Variants in ZNF236 observed in about 807,000 individuals in gnomAD.
The protein encoded by ZNF236 is zinc finger protein 236.
In ZNF236, 50 loss-of-function variants were observed where a neutral mutation model predicts 191.2. The ratio of observed to expected loss-of-function variants is 0.26; its 90% CI spans 0.21 to 0.33. The LOEUF (loss-of-function observed/expected upper bound fraction) is 0.33, where lower values mean the gene tolerates loss of function less well. Ranked by LOEUF, ZNF236 falls within the 10% of genes least tolerant of loss-of-function variation. The pLI is 1.00. For synonymous variants in ZNF236, 907 were observed against 928.8 expected, an observed-to-expected ratio of 0.98 and a Z score of 0.43; for missense variants, 1,754 against 2,374.5, an observed-to-expected ratio of 0.74 and a Z score of 5.43.
At chr18:76,857,088 C>T (rs1189581344) in intron 3 of ZNF236, among the ~76,000 whole-genome samples, 2 of 151,934 alleles carry the variant, frequency 1.3e-5, no homozygotes, top group Non-Finnish European at 2.9e-5. Context: ...AGGGCTTCCC[C>T]ATGTCCCCCC....
At chr18:76,878,994 G>A (rs1976794072) in intron 7 of ZNF236, among the ~76,000 whole-genome samples, 1 of 152,058 alleles carries the variant, frequency 6.6e-6, no homozygotes, top group African/African-American at 2.4e-5. Flanking sequence ...TCTTGACCAG[G>A]TAGAATGTTG....
chr18:76,858,179 T>A lies in ZNF236; in HGVS notation c.363+6240T>A, dbSNP rs572827773. ...TTGCAACTAGCATATGCGCAGTTTT[T>A]AAAAAAAAATCACCCTTATATCATT... On this transcript the variant is annotated intron_variant, in intron 3 of 30. Transcript: ENST00000320610. Among the ~76,000 whole-genome samples, 6 of 151,952 alleles carry A rather than the reference T, an allele frequency of 3.9e-5. No homozygotes were observed. The South Asian group carries it at 8.3e-4, about 21-fold the overall frequency.
chr18:76,945,543 T>C (rs1464055234), intron 26 of ZNF236, among the ~76,000 whole-genome samples: 1 of 152,254 alleles, frequency 6.6e-6, no homozygotes, highest in East Asian at 1.9e-4. Flanking sequence ...CCCACCACTT[T>C]GGGAGGCCAA....
chr18:76,935,779 T>C (rs1967975592), intron 25 of ZNF236, among the ~76,000 whole-genome samples: 1 of 152,232 alleles, frequency 6.6e-6, no homozygotes, highest in African/African-American at 2.4e-5. Context: ...GGACAGCTAT[T>C]AGGTCAGCTG....
intron 3 of ZNF236, among the ~76,000 whole-genome samples, chr18:76,859,373 G>A (rs1319807550): frequency 6.6e-6 from 1 of 152,098 alleles, no homozygotes; most frequent in East Asian, 1.9e-4. Flanking sequence ...AGTGTCTCAT[G>A]AAGTTTTTTA....
rs147734259 is a variant in ZNF236 at position 76,853,903 on chromosome 18, C to T, written c.363+1964C>T. On this transcript the variant is annotated intron_variant, in intron 3 of 30. Coordinates refer to ENST00000320610, the MANE Select transcript of ZNF236 (RefSeq NM_001306089.2). ...GCAGGCCCTATAATCCCAGCTACTC[C>T]GGAGGCTAAGGCGGGAGAATCACTT... Among the ~76,000 whole-genome samples the T allele has an allele frequency of 6.0e-4, 91 of 151,620 alleles. 1 individual carries two copies. Among genetic ancestry groups the T allele is most frequent in the East Asian group, 2.7e-3 (14 of 5,172 alleles).
chr18:76,910,877 C>G, intron 16 of ZNF236, 66 bp downstream of exon 16: 2 of 1,553,034 alleles, frequency 1.3e-6, no homozygotes, highest in Non-Finnish European at 1.7e-6. Context: ...TCTTCACTGT[C>G]ATTATTAAAA....
chr18:76,868,866 A>G lies in ZNF236; in HGVS notation c.542+3A>G, dbSNP rs553755774. 2 of 1,590,856 alleles carry G rather than the reference A, an allele frequency of 1.3e-6. No individual in the cohort carries two copies. Among genetic ancestry groups the G allele is most frequent in the South Asian group, 1.1e-5 (1 of 88,604 alleles). On this transcript the variant is annotated splice_donor_region_variant and intron_variant, in intron 4 of 30. Coordinates refer to ENST00000320610, the MANE Select transcript of ZNF236 (RefSeq NM_001306089.2). ...ATGAAGACTCATTACAAAATTAGGT[A>G]TGAGTCATTACATGGGCTTGGTCAA...
chr18:76,929,352 A>G (rs1967790072), intron 25 of ZNF236, among the ~76,000 whole-genome samples: 1 of 152,154 alleles, frequency 6.6e-6, no homozygotes, highest in Admixed American at 6.6e-5. Context: ...AATTATATTT[A>G]TATCTGAATT....
chr18:76,913,012 G>C (rs982361151), intron 17 of ZNF236, among the ~76,000 whole-genome samples: 3 of 152,180 alleles, frequency 2.0e-5, no homozygotes, highest in Admixed American at 1.3e-4. Flanking sequence ...GTTTAATTTG[G>C]ACTTGAGAGG....
intron 5 of ZNF236, among the ~76,000 whole-genome samples, chr18:76,872,474 A>G (rs189894081): frequency 7.2e-5 from 11 of 152,382 alleles, no homozygotes; most frequent in African/African-American, 2.6e-4. Context: ...ACTCTTAAAA[A>G]TAATAAAATT....
At position 76,905,237 on chromosome 18, in the gene ZNF236, A is replaced by G; in HGVS notation, c.2119A>G (p.Arg707Gly). The part of the protein sequence containing the change: ...VSAGVLKAHI[R>G]THTGLKSFKC... ...TGCAGGCGTGCTCAAAGCACACATC[A>G]GAACACACACAGGACTGAAATCTTT... Residue 707 changes from arginine to glycine, a missense_variant, in exon 13 of 31, where the codon AGA becomes GGA. This residue lies in a region of ZNF236 where 641 missense variants were observed against 869.6 expected (regional missense o/e 0.74). Transcript: ENST00000320610. 6.2e-7 allele frequency: 1 copy of G among 1,614,256 alleles called. No homozygotes were observed. Among genetic ancestry groups the G allele is most frequent in the Non-Finnish European group, 8.5e-7 (1 of 1,180,038 alleles).
At chr18:76,926,901 G>A (rs1967711418) in intron 22 of ZNF236, 136 bp from the exon 23 acceptor site, 6 of 1,016,632 alleles carry the variant, frequency 5.9e-6, no homozygotes, top group Admixed American at 2.7e-5. Flanking sequence ...GTAGGTGTTC[G>A]TATTCCACAA....
Position 76,868,732 on chromosome 18 carries a change from G to T in ZNF236, c.411G>T (p.Gln137His). 1 of 1,613,810 alleles carries T rather than the reference G, an allele frequency of 6.2e-7. No individual in the cohort carries two copies. The change falls in exon 4 of 31, where the codon CAG (glutamine) becomes CAT (histidine). Residue 137 changes from glutamine to histidine, a missense_variant. Physicochemically the swap from Gln to His is conservative, Grantham distance 24 (BLOSUM62 0). Around this residue, in one of 5 missense-constraint regions of ZNF236, gnomAD observed 336 missense variants for 495.1 expected, o/e 0.68. Coordinates refer to ENST00000320610, the MANE Select transcript of ZNF236 (RefSeq NM_001306089.2). Reference protein sequence around the residue: ...ECGDEFTLQSQLAVHMEEHRQ... With the variant: ...ECGDEFTLQSHLAVHMEEHRQ... ...GGGATGAGTTTACTCTGCAGAGTCA[G>T]CTGGCCGTGCACATGGAGGAGCACC...
intron 1 of ZNF236, among the ~76,000 whole-genome samples, chr18:76,835,310 CT>C (rs1490163707): frequency 1.3e-5 from 2 of 152,066 alleles, no homozygotes; most frequent in Non-Finnish European, 2.9e-5. Flanking sequence ...CTTCTTGGGT[CT>C]TTTCATGTTA....
intron 30 of ZNF236, among the ~76,000 whole-genome samples, chr18:76,966,519 G>A (rs1215461066): frequency 6.6e-6 from 1 of 152,126 alleles, no homozygotes; most frequent in African/African-American, 2.4e-5. Flanking sequence ...TCAGCACCTG[G>A]CCAGTCAGAG....
At chr18:76,945,708 C>T (rs1202566988) in intron 26 of ZNF236, among the ~76,000 whole-genome samples, 9 of 152,130 alleles carry the variant, frequency 5.9e-5, no homozygotes, top group Admixed American at 2.0e-4. Context: ...CACTTGAACC[C>T]GGGAGGCAGA....
chr18:76,894,945 A>G (rs1977356418), intron 9 of ZNF236, 68 bp from the exon 10 acceptor site: 1 of 1,570,896 alleles, frequency 6.4e-7, no homozygotes, highest in African/African-American at 1.3e-5. Flanking sequence ...TGGGGACCAC[A>G]GGGGGTCCTG....
intron 11 of ZNF236, 72 bp downstream of exon 11, chr18:76,899,294 C>A: frequency 1.5e-6 from 2 of 1,320,150 alleles, no homozygotes; most frequent in Non-Finnish European, 2.1e-6. Flanking sequence ...GAATTGTGTA[C>A]ACACATTATG....
Sources: allele counts gnomAD v4.1 joint callset (sites outside exome capture counted in the v4.1 genomes callset), GRCh38; gene constraint gnomAD v4.1.1; regional missense constraint gnomAD v4.1.1; transcripts MANE v1.5; gene names NCBI Gene and HGNC (gene_info 2026-07-23, HGNC 2026-07-21).